Variants in CTNNA3 observed in about 807,000 individuals in gnomAD.
CTNNA3 encodes the protein catenin alpha 3.
Under a neutral mutation model 95.7 loss-of-function variants are expected in CTNNA3, and 76 were observed. The ratio of observed to expected loss-of-function variants is 0.79; its 90% confidence interval spans 0.66 to 0.96. The LOEUF (loss-of-function observed/expected upper bound fraction) is 0.96. Among genes scored for constraint, CTNNA3 ranks in the 40% least tolerant of loss-of-function variants. The pLI is 0.00. For synonymous variants in CTNNA3, 431 were observed against 374.4 expected (o/e 1.15, Z -1.74); for missense variants, 1,191 against 1,089.8 (o/e 1.09, Z -1.31).
chr10:67,745,519 G>T (rs1400763717), intron 1 of CTNNA3, among the ~76,000 whole-genome samples: 1 of 136,088 alleles, frequency 7.3e-6, no homozygotes, highest in Non-Finnish European at 1.6e-5. Context: ...TGGGGTGGGG[G>T]GGAGGGGGGA....
chr10:66,789,278 G>T (rs1350179770), intron 7 of CTNNA3, among the ~76,000 whole-genome samples: 2 of 152,050 alleles, frequency 1.3e-5, no homozygotes, highest in African/African-American at 4.8e-5. Flanking sequence ...CTGGGTTCAA[G>T]TGCTTCTCCT....
At chr10:66,581,522 CAT>C (rs1332383229) in intron 10 of CTNNA3, among the ~76,000 whole-genome samples, 4 of 151,210 alleles carry the variant, frequency 2.6e-5, no homozygotes, top group African/African-American at 9.7e-5. Context: ...AGCATTTATT[CAT>C]ATGTTTTTGA....
chr10:67,124,287 C>G (rs1448759904), intron 7 of CTNNA3, among the ~76,000 whole-genome samples: 1 of 151,714 alleles, frequency 6.6e-6, no homozygotes, highest in Non-Finnish European at 1.5e-5. Flanking sequence ...AGTCTTCTCG[C>G]TTCCTCTAGT....
chr10:66,477,723 T>C (rs1839376835), intron 11 of CTNNA3, among the ~76,000 whole-genome samples: 1 of 152,074 alleles, frequency 6.6e-6, no homozygotes, highest in African/African-American at 2.4e-5. Flanking sequence ...ATACAAACTA[T>C]AACTTCACAC....
chr10:67,727,765 T>C (rs1203397990), intron 1 of CTNNA3, among the ~76,000 whole-genome samples: 2 of 125,922 alleles, frequency 1.6e-5, no homozygotes, highest in East Asian at 4.2e-4. Context: ...TTATATATTA[T>C]ATATAATATA....
intron 16 of CTNNA3, among the ~76,000 whole-genome samples, chr10:65,971,484 A>G (rs1564549406): frequency 6.6e-6 from 1 of 151,764 alleles, no homozygotes; most frequent in Non-Finnish European, 1.5e-5. Context: ...AAGTTATAAA[A>G]GTGACATTGC....
chr10:66,564,644 A>C (rs534623546), intron 10 of CTNNA3, among the ~76,000 whole-genome samples: 1 of 152,090 alleles, frequency 6.6e-6, no homozygotes, highest in Non-Finnish European at 1.5e-5. Flanking sequence ...AAAAGCACGG[A>C]CTCTTTCATT....
chr10:66,827,518 A>G (rs1842558943), intron 7 of CTNNA3, among the ~76,000 whole-genome samples: 1 of 152,156 alleles, frequency 6.6e-6, no homozygotes, highest in Non-Finnish European at 1.5e-5. Flanking sequence ...ATATAGTGGA[A>G]AAAGTCTCGT....
At chr10:67,601,397 G>A (rs1843078976) in intron 3 of CTNNA3, among the ~76,000 whole-genome samples, 1 of 152,090 alleles carries the variant, frequency 6.6e-6, no homozygotes, top group African/African-American at 2.4e-5. Flanking sequence ...TCACAATAGG[G>A]CTCACACTCC....
At chr10:65,978,495 TA>T (rs140141274) in intron 16 of CTNNA3, among the ~76,000 whole-genome samples, 78,639 of 146,808 alleles carry the variant, frequency 0.54, 21,211 homozygotes, top group Non-Finnish European at 0.61. Flanking sequence ...TTTTTTTTTT[TA>T]ACTTTCATTC....
chr10:66,732,436 T>G (rs1175299877), intron 9 of CTNNA3, among the ~76,000 whole-genome samples: 1 of 152,216 alleles, frequency 6.6e-6, no homozygotes, highest in Non-Finnish European at 1.5e-5. Context: ...AATAACGACA[T>G]TCTCGAGACT....
intron 7 of CTNNA3, among the ~76,000 whole-genome samples, chr10:66,947,813 A>T (rs764674009): frequency 6.6e-6 from 1 of 152,194 alleles, no homozygotes; most frequent in Non-Finnish European, 1.5e-5. Flanking sequence ...TGGCCAAGAG[A>T]GGAAAATGCA....
chr10:66,644,260 C>G lies in CTNNA3; in HGVS notation c.1282-22476G>C, dbSNP rs61867518. On this transcript the variant is annotated intron_variant, in intron 9 of 17. Transcript: ENST00000433211. Reference sequence around the variant, plus strand: ...AGTGACGGAATAAGAGACTTGGTCTCTCTGTCTGTCTGTCTGTCTGTCTGT... The same window carrying G: ...AGTGACGGAATAAGAGACTTGGTCTGTCTGTCTGTCTGTCTGTCTGTCTGT... Among the ~76,000 whole-genome samples the G allele has an allele frequency of 2.8e-5, 4 of 144,442 alleles. No individual in the cohort carries two copies. The East Asian group carries it at 6.1e-4, about 22-fold the overall frequency. The allele number at this position is 144,442 out of a possible 152,430, so 94.8% of individuals were successfully genotyped here.
intron 11 of CTNNA3, among the ~76,000 whole-genome samples, chr10:66,425,882 C>T (rs552492472): frequency 1.3e-5 from 2 of 152,060 alleles, no homozygotes; most frequent in African/African-American, 2.4e-5. Flanking sequence ...GAAGCTCCTT[C>T]GTTCCCCATA....
intron 7 of CTNNA3, among the ~76,000 whole-genome samples, chr10:67,158,619 A>G (rs1025950442): frequency 6.6e-6 from 1 of 152,236 alleles, no homozygotes; most frequent in Non-Finnish European, 1.5e-5. Flanking sequence ...GCATAAGTGT[A>G]GCACGAATTG....
intron 5 of CTNNA3, among the ~76,000 whole-genome samples, chr10:67,479,439 C>T (rs1197264277): frequency 2.0e-5 from 3 of 152,034 alleles, no homozygotes; most frequent in Non-Finnish European, 2.9e-5. Context: ...GAAATTAATA[C>T]CAAGGAGACC....
chr10:66,331,380 G>C (rs1299073996), intron 12 of CTNNA3, among the ~76,000 whole-genome samples: 1 of 60,394 alleles, frequency 1.7e-5, no homozygotes, highest in Non-Finnish European at 3.0e-5. Context: ...TTGAGACGGA[G>C]TTTTGCTCTG....
chr10:66,024,489 G>A (rs2079298150), intron 15 of CTNNA3, among the ~76,000 whole-genome samples: 1 of 152,116 alleles, frequency 6.6e-6, no homozygotes, highest in African/African-American at 2.4e-5. Context: ...TTGTATGACC[G>A]TTTAACAAAA....
intron 13 of CTNNA3, among the ~76,000 whole-genome samples, chr10:66,130,980 C>T (rs1323157181): frequency 6.6e-6 from 1 of 151,352 alleles, no homozygotes; most frequent in Admixed American, 6.6e-5. Flanking sequence ...ACACAGACAA[C>T]CTTCTAAGAC....
Sources: gnomAD v4.1 joint callset for allele counts (sites outside exome capture counted in the v4.1 genomes callset) on GRCh38, gnomAD v4.1.1 for gene constraint, MANE v1.5 for transcripts, NCBI Gene and HGNC (gene_info 2026-07-23, HGNC 2026-07-21) for gene names.